Variants in CAPSL observed in about 807,000 individuals in gnomAD.
CAPSL encodes calcyphosin-like protein.
A neutral mutation model predicts 21.3 loss-of-function variants in CAPSL; 17 were observed. That is an observed-to-expected ratio of 0.80 (90% CI 0.55 to 1.20). The LOEUF (loss-of-function observed/expected upper bound fraction) is 1.20, where lower values mean the gene tolerates loss of function less well. Ranked by LOEUF, CAPSL falls within the 50% of genes most tolerant of loss-of-function variation. The pLI, the probability that CAPSL is intolerant of heterozygous loss-of-function variation, is 0.00. For missense variants in CAPSL, 289 were observed against 259.3 expected, an observed-to-expected ratio of 1.11 and a Z score of -0.79; for synonymous variants, 102 against 89.3, an observed-to-expected ratio of 1.14 and a Z score of -0.80.
intron 4 of CAPSL, among the ~76,000 whole-genome samples, chr5:35,906,261 G>A (rs1170421258): frequency 6.6e-6 from 1 of 152,114 alleles, no homozygotes; most frequent in Admixed American, 6.5e-5. Flanking sequence ...CATTGAATGA[G>A]ACTCCCTCCA....
At chr5:35,927,923 T>C (rs148685473) in intron 1 of CAPSL, among the ~76,000 whole-genome samples, 186 of 152,336 alleles carry the variant, frequency 1.2e-3, no homozygotes, top group African/African-American at 4.2e-3. Context: ...AAATATTGCA[T>C]TCCAGAGGTC....
At chr5:35,913,084 G>A (rs1056715063) in intron 2 of CAPSL, among the ~76,000 whole-genome samples, 9 of 152,142 alleles carry the variant, frequency 5.9e-5, no homozygotes, top group South Asian at 2.1e-4. Flanking sequence ...TAGCCAATTC[G>A]ATCAACTGGA....
chr5:35,909,204 C>A (rs992421167), intron 4 of CAPSL, among the ~76,000 whole-genome samples: 1 of 151,962 alleles, frequency 6.6e-6, no homozygotes, highest in Admixed American at 6.6e-5. Flanking sequence ...CCAAGCTATG[C>A]ATTTGTAACT....
chr5:35,935,618 AG>A lies in CAPSL; in HGVS notation c.-1+2922del, dbSNP rs1738925788. On this transcript the variant is annotated intron_variant, in intron 1 of 4. Transcript: ENST00000651391. Reference sequence around the variant, plus strand: ...CCAAAATGCTGAGATTACAGACATGAGCCACGGTGCCCAGACTGAAAGTTCA... The same window carrying A: ...CCAAAATGCTGAGATTACAGACATGACCACGGTGCCCAGACTGAAAGTTCA... Among the ~76,000 whole-genome samples, 13 of 152,270 alleles carry A rather than the reference AG, an allele frequency of 8.5e-5. No individual in the cohort carries two copies. The South Asian group carries it at 2.5e-3, about 29-fold the overall frequency.
At chr5:35,908,782 GGGAAATGTCAGCA>G (rs2149916373) in intron 4 of CAPSL, among the ~76,000 whole-genome samples, 1 of 152,282 alleles carries the variant, frequency 6.6e-6, no homozygotes, top group South Asian at 2.1e-4. Context: ...ATCCCTGAAA[GGGAAATGTCAGCA>G]GGAAGAACAG....
intron 1 of CAPSL, among the ~76,000 whole-genome samples, chr5:35,929,375 C>A (rs1341958321): frequency 6.7e-6 from 1 of 148,304 alleles, no homozygotes; most frequent in Non-Finnish European, 1.5e-5. Flanking sequence ...ACCTTGCAAT[C>A]TCCGCCTCCC....
intron 2 of CAPSL, among the ~76,000 whole-genome samples, chr5:35,913,705 G>T (rs1304146461): frequency 6.6e-6 from 1 of 152,148 alleles, no homozygotes; most frequent in Non-Finnish European, 1.5e-5. Flanking sequence ...GCTCCTGAAG[G>T]AAGCACTAAA....
intron 1 of CAPSL, among the ~76,000 whole-genome samples, chr5:35,926,554 G>A (rs951247273): frequency 1.3e-5 from 2 of 152,178 alleles, no homozygotes; most frequent in African/African-American, 4.8e-5. Context: ...GGTTCCCTCC[G>A]TAAGGTTCAG....
At chr5:35,914,604 T>C (rs1473652090) in intron 2 of CAPSL, among the ~76,000 whole-genome samples, 6 of 151,968 alleles carry the variant, frequency 3.9e-5, no homozygotes, top group Admixed American at 1.3e-4. Context: ...TGCTCCTGAA[T>C]GACTACTGGG....
chr5:35,925,443 A>G (rs1738646350), intron 1 of CAPSL, among the ~76,000 whole-genome samples: 1 of 152,198 alleles, frequency 6.6e-6, no homozygotes, highest in African/African-American at 2.4e-5. Context: ...AGAAAACAAT[A>G]TAATTAGGAA....
Position 35,917,570 on chromosome 5 carries a change from C to T in CAPSL, c.137+3414G>A, listed in dbSNP as rs564499778. On this transcript the variant is annotated intron_variant, in intron 2 of 4. Transcript: ENST00000651391. ...GATGAGTTCATGTCCTTTGTAGGGA[C>T]ATGGATGAAGCTGGAAACCATCATT... Among the ~76,000 whole-genome samples, 701 of 152,214 alleles carry T rather than the reference C, an allele frequency of 4.6e-3. 5 individuals are homozygous for T. The highest frequency in any genetic ancestry group is 0.015 in the African/African-American group (637 of 41,510).
At chr5:35,914,525 C>T (rs565786592) in intron 2 of CAPSL, among the ~76,000 whole-genome samples, 2,813 of 152,206 alleles carry the variant, frequency 0.018, 85 homozygotes, top group African/African-American at 0.064. Flanking sequence ...GACCACAGTG[C>T]AATCAAACTA....
Position 35,921,000 on chromosome 5 carries a change from T to C in CAPSL, c.121A>G (p.Ile41Val). Residue 41 changes from isoleucine to valine, a missense_variant, in exon 2 of 5, where the codon ATC becomes GTC. Transcript: ENST00000651391. Reference sequence around the variant, plus strand: ...GGGTCCTACCTGCCAAGTCCTTTGATCCCAGCAGAGCCCCTGGCCAGGCAC... The same window carrying C: ...GGGTCCTACCTGCCAAGTCCTTTGACCCCAGCAGAGCCCCTGGCCAGGCAC... ...LQCLARGSAG[I>V]KGLGRVFRIM... 1 of 1,613,966 alleles carries C rather than the reference T, an allele frequency of 6.2e-7. No homozygotes were observed. Among genetic ancestry groups the C allele is most frequent in the Non-Finnish European group, 8.5e-7 (1 of 1,179,964 alleles).
At chr5:35,931,290 G>GA (rs1738816632) in intron 1 of CAPSL, among the ~76,000 whole-genome samples, 1 of 152,120 alleles carries the variant, frequency 6.6e-6, no homozygotes, top group Non-Finnish European at 1.5e-5. Flanking sequence ...AGACTCATGA[G>GA]GAGAGAGAAA....
chr5:35,913,800 C>T (rs1448536713), intron 2 of CAPSL, among the ~76,000 whole-genome samples: 1 of 152,152 alleles, frequency 6.6e-6, no homozygotes, highest in Admixed American at 6.5e-5. Flanking sequence ...ACGGCATAAA[C>T]TAATGAGCAA....
intron 2 of CAPSL, among the ~76,000 whole-genome samples, chr5:35,914,863 G>A (rs1303666753): frequency 6.6e-6 from 1 of 152,104 alleles, no homozygotes; most frequent in Non-Finnish European, 1.5e-5. Flanking sequence ...TAAGATCAGA[G>A]CAGAACTCAA....
At chr5:35,911,412 T>C (rs934939495) in intron 2 of CAPSL, among the ~76,000 whole-genome samples, 6 of 152,226 alleles carry the variant, frequency 3.9e-5, no homozygotes, top group Non-Finnish European at 2.9e-5. Context: ...TATAATGTGA[T>C]AAAAATGGTG....
chr5:35,920,884 G>A, intron 2 of CAPSL, 100 bp downstream of exon 2: 2 of 1,223,822 alleles, frequency 1.6e-6, no homozygotes, highest in Non-Finnish European at 2.3e-6. Flanking sequence ...GAGCCCCTAG[G>A]AGGAGATGAC....
intron 2 of CAPSL, among the ~76,000 whole-genome samples, chr5:35,914,521 A>G (rs1738321022): frequency 2.0e-5 from 3 of 152,220 alleles, no homozygotes; most frequent in Admixed American, 1.3e-4. Context: ...CTCAGACCAC[A>G]GTGCAATCAA....
Sources: gnomAD v4.1 joint callset for allele counts (sites outside exome capture counted in the v4.1 genomes callset) on GRCh38, gnomAD v4.1.1 for gene constraint, MANE v1.5 for transcripts, NCBI Gene and HGNC (gene_info 2026-07-23, HGNC 2026-07-21) for gene names.